DPP10: variants seen among roughly 807,000 people sequenced by gnomAD.
The protein encoded by DPP10 is dipeptidyl peptidase like 10.
Under a neutral mutation model 120.9 loss-of-function variants are expected in DPP10, and 33 were observed. The observed-to-expected ratio is 0.27, with a 90% CI of 0.21 to 0.37. The LOEUF (loss-of-function observed/expected upper bound fraction) is 0.37. Among genes scored for constraint, DPP10 ranks in the 10% least tolerant of loss-of-function variants. DPP10 has a pLI of 1.00. For missense variants in DPP10, 816 were observed against 942.8 expected (o/e 0.87, Z 1.76); for synonymous variants, 337 against 326.1 (o/e 1.03, Z -0.36).
rs79280464 is a variant in DPP10 at position 115,814,555 on chromosome 2, A to G, written c.1701-238A>G. On this transcript the variant is annotated intron_variant, in intron 19 of 25. Transcript: ENST00000410059. ...ATGAGCTAAACTAATTTCTACTGCAATGTTAACTCATACTTTCATTTCATT... is the reference window on the plus strand; with the variant it reads ...ATGAGCTAAACTAATTTCTACTGCAGTGTTAACTCATACTTTCATTTCATT... The G allele has an allele frequency of 4.1e-3, 1,316 of 318,142 alleles. 28 individuals are homozygous for G. The highest frequency in any genetic ancestry group is 0.026 in the African/African-American group (1,227 of 47,134). The allele number at this position is 318,142 out of a possible 1,614,324, so 19.7% of individuals were successfully genotyped here. A position where few individuals can be genotyped will look rare whatever the true frequency, so the allele number is the denominator to read the frequency against.
chr2:115,157,387 T>C (rs541146036), intron 1 of DPP10, among the ~76,000 whole-genome samples: 8 of 152,236 alleles, frequency 5.3e-5, no homozygotes, highest in African/African-American at 1.9e-4. Flanking sequence ...AGATCATAAT[T>C]GGGCTATGAA....
intron 5 of DPP10, among the ~76,000 whole-genome samples, chr2:115,557,264 A>G (rs2080273206): frequency 6.6e-6 from 1 of 152,038 alleles, no homozygotes; most frequent in Admixed American, 6.6e-5. Context: ...GCAACATGAC[A>G]CTACACTACT....
intron 1 of DPP10, among the ~76,000 whole-genome samples, chr2:114,676,903 A>G (rs948227596): frequency 6.6e-6 from 1 of 152,134 alleles, no homozygotes; most frequent in African/African-American, 2.4e-5. Flanking sequence ...CTATTTATTA[A>G]GGGCCTTTTA....
intron 1 of DPP10, among the ~76,000 whole-genome samples, chr2:114,876,543 C>T (rs530567681): frequency 1.4e-4 from 21 of 152,060 alleles, no homozygotes; most frequent in African/African-American, 4.1e-4. Flanking sequence ...AGAAAAATGA[C>T]GTATGCATAA....
intron 1 of DPP10, among the ~76,000 whole-genome samples, chr2:115,183,455 T>C (rs2054219385): frequency 6.6e-6 from 1 of 152,168 alleles, no homozygotes; most frequent in Admixed American, 6.5e-5. Flanking sequence ...TGTTTACTGG[T>C]GTCTCTCCAT....
In DPP10 at chr2:115,840,880, T is replaced by TA. The variant is rs1690076549; in HGVS notation, c.2256+58dup. 3.6e-6 allele frequency: 5 copies of TA among 1,403,954 alleles called. No homozygotes were observed. The East Asian group carries it at 1.2e-4, about 32-fold the overall frequency. The allele number at this position is 1,403,954 out of a possible 1,614,324, so 87.0% of individuals were successfully genotyped here. A position where few individuals can be genotyped will look rare whatever the true frequency, so the allele number is the denominator to read the frequency against. ...CTGCTGTGTTTTTTCACTTGTGAGA[T>TA]ACGCAACACAGCTTCTCTATTATTC... is the stretch of plus-strand genomic sequence containing the variant. On this transcript the variant is annotated intron_variant, in intron 25 of 25. Transcript: ENST00000410059.
chr2:115,286,528 T>TATATATA (rs1559366914), intron 1 of DPP10, among the ~76,000 whole-genome samples: 1 of 100,072 alleles, frequency 1.0e-5, no homozygotes, highest in African/African-American at 3.5e-5. Flanking sequence ...ATATATATAA[T>TATATATA]ATATATATAT....
chr2:114,611,110 T>C (rs2105284179), intron 1 of DPP10, among the ~76,000 whole-genome samples: 1 of 152,156 alleles, frequency 6.6e-6, no homozygotes, highest in East Asian at 1.9e-4. Context: ...TTGTTCTCTA[T>C]TAAATATTTT....
chr2:115,782,852 C>CT (rs1350197506), intron 17 of DPP10, among the ~76,000 whole-genome samples: 1 of 152,008 alleles, frequency 6.6e-6, no homozygotes, highest in Admixed American at 6.6e-5. Context: ...TGTATATGCA[C>CT]TTTTTCATTT....
chr2:115,084,087 A>G (rs1708499455), intron 1 of DPP10, among the ~76,000 whole-genome samples: 1 of 152,210 alleles, frequency 6.6e-6, no homozygotes, highest in South Asian at 2.1e-4. Context: ...CATCCTATCA[A>G]TATGAATACG....
At chr2:114,828,987 T>C (rs950283613) in intron 1 of DPP10, 7 of 152,198 alleles carry the variant, frequency 4.6e-5, no homozygotes, top group Non-Finnish European at 1.0e-4. Context: ...AGGTCTCCTA[T>C]AAAAATAGTC....
At chr2:114,463,631 G>T (rs1488521901) in intron 1 of DPP10, among the ~76,000 whole-genome samples, 1 of 152,016 alleles carries the variant, frequency 6.6e-6, no homozygotes, top group Non-Finnish European at 1.5e-5. Flanking sequence ...TTCATCCCAG[G>T]ATCTCTTAAT....
chr2:115,662,445 TTA>T (rs2089075327), intron 5 of DPP10, among the ~76,000 whole-genome samples: 1 of 151,770 alleles, frequency 6.6e-6, no homozygotes, highest in South Asian at 2.1e-4. Context: ...TTTTTTTTTT[TTA>T]GCAACTTCTG....
intron 1 of DPP10, among the ~76,000 whole-genome samples, chr2:115,208,162 C>T (rs1489815162): frequency 6.6e-6 from 1 of 151,004 alleles, no homozygotes; most frequent in African/African-American, 2.4e-5. Context: ...ATCCACATCT[C>T]TAAGGATACT....
intron 1 of DPP10, among the ~76,000 whole-genome samples, chr2:114,968,895 G>C (rs1319472199): frequency 6.6e-6 from 1 of 152,094 alleles, no homozygotes; most frequent in African/African-American, 2.4e-5. Context: ...TGTTTCTGTG[G>C]TTTTGCAACA....
At chr2:115,221,284 T>C (rs970429110) in intron 1 of DPP10, among the ~76,000 whole-genome samples, 1 of 152,178 alleles carries the variant, frequency 6.6e-6, no homozygotes, top group African/African-American at 2.4e-5. Context: ...GAGAATGTTC[T>C]CTTTAGGGTA....
chr2:115,583,225 C>G (rs1014442737), intron 5 of DPP10, among the ~76,000 whole-genome samples: 1 of 152,188 alleles, frequency 6.6e-6, no homozygotes, highest in African/African-American at 2.4e-5. Context: ...ATTATTTGCA[C>G]TCAGAATTCT....
intron 12 of DPP10, 84 bp from the exon 13 acceptor site, chr2:115,768,213 T>C (rs1681030101): frequency 1.8e-6 from 2 of 1,115,310 alleles, no homozygotes; most frequent in East Asian, 5.0e-5. Context: ...ATATTTGGTA[T>C]AACCCATGCA....
intron 11 of DPP10, among the ~76,000 whole-genome samples, chr2:115,757,818 A>G (rs1008594724): frequency 6.6e-6 from 1 of 152,134 alleles, no homozygotes; most frequent in Non-Finnish European, 1.5e-5. Flanking sequence ...ATATCTTGGT[A>G]GATGAAGAAA....
Sources: allele counts gnomAD v4.1 joint callset (sites outside exome capture counted in the v4.1 genomes callset), GRCh38; gene constraint gnomAD v4.1.1; transcripts MANE v1.5; gene names NCBI Gene and HGNC (gene_info 2026-07-23, HGNC 2026-07-21).